The following MRPS18A variants were observed in gnomAD, a reference collection of about 807,000 sequenced individuals.
MRPS18A encodes large ribosomal subunit protein mL66.
Under a neutral mutation model 22.7 loss-of-function variants are expected in MRPS18A, and 20 were observed. The ratio of observed to expected loss-of-function variants is 0.88; its 90% CI spans 0.62 to 1.28. The LOEUF (loss-of-function observed/expected upper bound fraction) is 1.28, where lower values mean the gene tolerates loss of function less well. Among genes scored for constraint, MRPS18A ranks in the 50% most tolerant of loss-of-function variants. The pLI, the probability that MRPS18A is intolerant of heterozygous loss-of-function variation, is 0.00. For missense variants in MRPS18A, 294 were observed against 262.6 expected (o/e 1.12, Z -0.83); for synonymous variants, 106 against 99.1 (o/e 1.07, Z -0.41).
At position 43,687,753 on chromosome 6, in the gene MRPS18A, G is replaced by T. The variant is rs754419686; in HGVS notation, c.27C>A (p.Ser9=). 6 of 1,583,052 alleles carry T rather than the reference G, an allele frequency of 3.8e-6. No individual in the cohort carries two copies. Among genetic ancestry groups the T allele is most frequent in the South Asian group, 2.3e-5 (2 of 86,894 alleles). Residue 9 remains serine, a synonymous_variant, in exon 1 of 6, where the codon TCC becomes TCA. Transcript: ENST00000372133. ...GCCCACGGAGAAGCCGCCCACAGCC[G>T]GACACCAGAGCCTTGAGGGCCGCCA... is the stretch of plus-strand genomic sequence containing the variant. The part of the protein sequence containing the change: MAALKALV[S]GCGRLLRGLL...
intron 1 of MRPS18A, among the ~76,000 whole-genome samples, chr6:43,684,339 T>C (rs1291811789): frequency 6.6e-6 from 1 of 152,010 alleles, no homozygotes; most frequent in Non-Finnish European, 1.5e-5. Context: ...GAGTAACTGA[T>C]GGCTGGGCAG....
intron 5 of MRPS18A, among the ~76,000 whole-genome samples, 153 bp downstream of exon 5, chr6:43,675,049 C>T (rs2127943417): frequency 6.6e-6 from 1 of 152,226 alleles, no homozygotes; most frequent in East Asian, 1.9e-4. Context: ...CTGAGGTTGG[C>T]AAAGAAGGCA....
Position 43,673,549 on chromosome 6 carries a change from C to G in MRPS18A, c.447-1643G>C, listed in dbSNP as rs1773872757. Among the ~76,000 whole-genome samples, 1 of 152,218 alleles carries G rather than the reference C, an allele frequency of 6.6e-6. No individual in the cohort carries two copies. Among genetic ancestry groups the G allele is most frequent in the African/African-American group, 2.4e-5 (1 of 41,460 alleles). ...CTTTAGCTGGCCTTGGGCCTGATGC[C>G]TGCGCCACACGGAGCGGCCAGCTGG... On this transcript the variant is annotated intron_variant, in intron 5 of 5. Coordinates refer to ENST00000372133, the MANE Select transcript of MRPS18A (RefSeq NM_018135.4). This position sits in a 1 kb window ranked among gnomAD's most constrained non-coding sequence, Gnocchi z 4.2.
Position 43,671,363 on chromosome 6 carries a change from C to T in MRPS18A, c.*399G>A, listed in dbSNP as rs140743757. 5.4e-4 allele frequency: 218 copies of T among 401,358 alleles called. No homozygotes were observed. Among genetic ancestry groups the T allele is most frequent in the Admixed American group, 2.6e-3 (66 of 25,256 alleles). 24.9% of individuals were successfully genotyped at this position (401,358 alleles called of 1,614,324 possible). A position where few individuals can be genotyped will look rare whatever the true frequency, so the allele number is the denominator to read the frequency against. On this transcript the variant is annotated 3_prime_UTR_variant, in exon 6 of 6. Transcript: ENST00000372133. The stretch of plus-strand genomic sequence containing the variant: ...TTCAATTGACTCATTGGCCCCATCA[C>T]AAGAGATCAGTGACTCAATGCTCAG...
intron 3 of MRPS18A, among the ~76,000 whole-genome samples, chr6:43,677,853 AT>A (rs139748889): frequency 0.02 from 3,114 of 152,246 alleles, 102 homozygotes; most frequent in African/African-American, 0.07. Context: ...AGCTGTTGTT[AT>A]TATTCACTAC....
chr6:43,679,405 G>A (rs1266674901), intron 2 of MRPS18A, among the ~76,000 whole-genome samples: 1 of 152,148 alleles, frequency 6.6e-6, no homozygotes, highest in East Asian at 1.9e-4. Flanking sequence ...AAACTAACAC[G>A]ATACAGATGG....
chr6:43,680,646 G>A (rs926529648), intron 2 of MRPS18A, among the ~76,000 whole-genome samples: 9 of 152,298 alleles, frequency 5.9e-5, no homozygotes, highest in Admixed American at 5.9e-4. Context: ...GGCCAGGGCC[G>A]GGAGAATGTC....
chr6:43,676,788 G>A (rs540292916), intron 3 of MRPS18A, among the ~76,000 whole-genome samples: 80 of 152,332 alleles, frequency 5.3e-4, no homozygotes, highest in Middle Eastern at 3.4e-3. Context: ...CCTGGCAGGC[G>A]CCTTGCTGCA....
intron 3 of MRPS18A, among the ~76,000 whole-genome samples, chr6:43,676,898 T>C (rs968722705): frequency 3.3e-5 from 5 of 152,164 alleles, no homozygotes; most frequent in African/African-American, 1.2e-4. Context: ...AGAACTTGGA[T>C]TGGATTAATC....
At position 43,671,716 on chromosome 6, in the gene MRPS18A, C is replaced by T; in HGVS notation, c.*46G>A. The T allele has an allele frequency of 6.2e-7, 1 of 1,611,910 alleles. No individual in the cohort carries two copies. The highest frequency in any genetic ancestry group is 8.5e-7 in the Non-Finnish European group (1 of 1,178,418). ...CAAGGGCTTGTGAGTGGGCCTCCTA[C>T]TCCCCAGCACAGGTGCAGGAGGAAC... On this transcript the variant is annotated 3_prime_UTR_variant, in exon 6 of 6. Coordinates refer to ENST00000372133, the MANE Select transcript of MRPS18A (RefSeq NM_018135.4).
In MRPS18A at chr6:43,675,251, G is replaced by T. The variant is rs1159101119; in HGVS notation, c.397C>A (p.Pro133Thr). 3.3e-6 allele frequency: 5 copies of T among 1,526,492 alleles called. No homozygotes were observed. The highest frequency in any genetic ancestry group is 1.4e-5 in the African/African-American group (1 of 71,980). The allele number at this position is 1,526,492 out of a possible 1,614,324, so 94.6% of individuals were successfully genotyped here. ...GGAACAACTCCTTCAGGAAGCCGAG[G>T]CCTGTGATTTGGTAATAGACCTGAG... ...HRAGLLPNHR[P>T]RLPEGVVPKS... The change falls in exon 5 of 6, where the codon CCT (proline) becomes ACT (threonine). Residue 133 changes from proline (P) to threonine (T), a missense_variant. Coordinates refer to ENST00000372133, the MANE Select transcript of MRPS18A (RefSeq NM_018135.4).
At chr6:43,681,202 ATCTGG>A in intron 1 of MRPS18A, 82 bp from the exon 2 acceptor site, 1 of 1,429,172 alleles carries the variant, frequency 7.0e-7, no homozygotes, top group Non-Finnish European at 9.8e-7. Flanking sequence ...AATTCTACAC[ATCTGG>A]AAAAAAGCAG....
chr6:43,675,795 C>T (rs1774022372), intron 3 of MRPS18A, among the ~76,000 whole-genome samples, 178 bp from the exon 4 acceptor site: 1 of 152,114 alleles, frequency 6.6e-6, no homozygotes, highest in South Asian at 2.1e-4. Context: ...AAGGTTAATC[C>T]CAACTTAGTA....
At chr6:43,676,229 A>C (rs1383424780) in intron 3 of MRPS18A, among the ~76,000 whole-genome samples, 1 of 152,166 alleles carries the variant, frequency 6.6e-6, no homozygotes, top group Admixed American at 6.5e-5. Context: ...TATGTACCTG[A>C]AGCATCTTTC....
chr6:43,680,353 A>G (rs893938452), intron 2 of MRPS18A, among the ~76,000 whole-genome samples: 3 of 152,058 alleles, frequency 2.0e-5, no homozygotes, highest in African/African-American at 7.3e-5. Context: ...TGCCTTGGGG[A>G]GGATTGAGCT....
At chr6:43,685,864 C>T (rs1378268270) in intron 1 of MRPS18A, among the ~76,000 whole-genome samples, 1 of 152,180 alleles carries the variant, frequency 6.6e-6, no homozygotes, top group Non-Finnish European at 1.5e-5. Flanking sequence ...ATAGGTGATT[C>T]TTAAGAATAT....
rs371801011 is a variant in MRPS18A at position 43,675,628 on chromosome 6, C to G, written c.253-11G>C. On this transcript the variant is annotated splice_polypyrimidine_tract_variant and intron_variant, in intron 3 of 5. Coordinates refer to ENST00000372133, the MANE Select transcript of MRPS18A (RefSeq NM_018135.4). The stretch of plus-strand genomic sequence containing the variant: ...AAGCAGCAGAACATCCTAGTGGAAA[C>G]CGAAAATAGGGGATGAGGGTCAGCT... The G allele has an allele frequency of 2.5e-6, 4 of 1,597,796 alleles. No individual in the cohort carries two copies. In the African/African-American group the frequency reaches 4.0e-5, roughly 16 times the overall value.
At chr6:43,686,007 T>C (rs931299272) in intron 1 of MRPS18A, among the ~76,000 whole-genome samples, 3 of 152,232 alleles carry the variant, frequency 2.0e-5, no homozygotes, top group Non-Finnish European at 4.4e-5. Flanking sequence ...TCTCACTACG[T>C]TGCCCAGGTT....
chr6:43,687,334 G>A (rs928194861), intron 1 of MRPS18A, among the ~76,000 whole-genome samples: 8 of 152,204 alleles, frequency 5.3e-5, no homozygotes, highest in African/African-American at 1.7e-4. Context: ...TAATAAAAGA[G>A]ACTGCGATTC....
Sources: allele counts gnomAD v4.1 joint callset (sites outside exome capture counted in the v4.1 genomes callset), GRCh38; gene constraint gnomAD v4.1.1; non-coding constraint Gnocchi (gnomAD v3.1); transcripts MANE v1.5; gene names NCBI Gene and HGNC (gene_info 2026-07-23, HGNC 2026-07-21).